ITFG2: variants seen among roughly 807,000 people sequenced by gnomAD.
The protein encoded by ITFG2 is integrin alpha FG-GAP repeat containing 2, also known as KICSTOR complex protein ITFG2.
In ITFG2, 36 loss-of-function variants were observed where a neutral mutation model predicts 54.4. That is an observed-to-expected ratio of 0.66 (90% CI 0.51 to 0.87). ITFG2 has a LOEUF of 0.87. Ranked by LOEUF, ITFG2 falls within the 40% of genes least tolerant of loss-of-function variation. ITFG2 has a pLI of 0.00. For synonymous variants in ITFG2, 211 were observed against 225.4 expected (o/e 0.94, Z 0.57); for missense variants, 524 against 576.7 (o/e 0.91, Z 0.94).
At chr12:2,816,304 T>G (rs1477090081) in intron 1 of ITFG2, among the ~76,000 whole-genome samples, 1 of 150,860 alleles carries the variant, frequency 6.6e-6, no homozygotes, top group Non-Finnish European at 1.5e-5. Context: ...GTGCTGGGAT[T>G]ATCGGCGTGA....
intron 3 of ITFG2, chr12:2,858,852 G>C (rs2098099402): frequency 6.2e-7 from 1 of 1,614,056 alleles, no homozygotes; most frequent in Non-Finnish European, 8.5e-7. Context: ...ATCTGAGGGA[G>C]AAGAGTTGCC....
Position 2,812,699 on chromosome 12 carries a change from C to A in ITFG2, c.-62C>A, listed in dbSNP as rs1013949128. The A allele has an allele frequency of 6.1e-6, 9 of 1,466,146 alleles. No individual in the cohort carries two copies. In the African/African-American group the frequency reaches 9.7e-5, roughly 16 times the overall value. The allele number at this position is 1,466,146 out of a possible 1,614,324, so 90.8% of individuals were successfully genotyped here. The stretch of plus-strand genomic sequence containing the variant: ...GGTGGCCTTCCGCTCTGGCGGCTGT[C>A]GCGACGGGGGTTCAGGGAATATTTA... On this transcript the variant is annotated 5_prime_UTR_variant, in exon 1 of 12. Coordinates refer to ENST00000228799, the MANE Select transcript of ITFG2 (RefSeq NM_018463.4).
intron 1 of ITFG2, among the ~76,000 whole-genome samples, chr12:2,837,779 T>G (rs1285760357): frequency 1.3e-5 from 2 of 152,190 alleles, no homozygotes; most frequent in African/African-American, 4.8e-5. Context: ...CAGTGAGCTA[T>G]GATGGCACCA....
intron 2 of ITFG2, among the ~76,000 whole-genome samples, chr12:2,850,726 G>A (rs948887403): frequency 2.0e-5 from 3 of 151,692 alleles, no homozygotes; most frequent in African/African-American, 7.3e-5. Context: ...AGGCCGGAGT[G>A]CAGTGGCACG....
chr12:2,820,585 T>C, intron 5 of ITFG2, 139 bp from the exon 6 acceptor site: 1 of 782,374 alleles, frequency 1.3e-6, no homozygotes, highest in Non-Finnish European at 2.0e-6. Context: ...GCTGCTACCC[T>C]TGAAGCCCAG....
chr12:2,813,397 T>C (rs181519775), intron 1 of ITFG2, among the ~76,000 whole-genome samples: 4,716 of 152,310 alleles, frequency 0.031, 107 homozygotes, highest in Non-Finnish European at 0.045. Context: ...GTTAGTATTT[T>C]ATTCTGTTTT....
At position 2,845,645 on chromosome 12, in the gene ITFG2, G is replaced by C. The variant is rs2098051556; in HGVS notation, n.300+4650G>C. On this transcript the variant is annotated intron_variant and non_coding_transcript_variant, in intron 2 of 3. Transcript: ENST00000537710. The surrounding 1 kb of genome is among the most constrained non-coding windows in gnomAD (Gnocchi z 4.2). ...GTGTTCTGGGGAGTGAAGTATGTGG[G>C]GGAAAGGGGTGTCCATACCTTCACC... Among the ~76,000 whole-genome samples, 1 of 152,128 alleles carries C rather than the reference G, an allele frequency of 6.6e-6. No individual in the cohort carries two copies. Among genetic ancestry groups the C allele is most frequent in the African/African-American group, 2.4e-5 (1 of 41,420 alleles).
At chr12:2,822,773 T>C (rs1428021597) in intron 9 of ITFG2, 21 bp from the exon 10 acceptor site, 1 of 1,601,026 alleles carries the variant, frequency 6.2e-7, no homozygotes. Context: ...TTATGTTCCT[T>C]TTGTCTCTGT....
At chr12:2,816,316 T>TCAC (rs1258388646) in intron 1 of ITFG2, among the ~76,000 whole-genome samples, 1 of 141,812 alleles carries the variant, frequency 7.1e-6, no homozygotes, top group Non-Finnish European at 1.5e-5. Context: ...TCGGCGTGAG[T>TCAC]CACCGCACAC....
chr12:2,831,818 A>C (rs2098004732), upstream of ITFG2, among the ~76,000 whole-genome samples: 2 of 151,808 alleles, frequency 1.3e-5, no homozygotes, highest in South Asian at 4.2e-4. Context: ...ACTGGACTCT[A>C]ATTCCTTGGC....
chr12:2,840,846 AAG>A (rs1050200120), exon 2 of ITFG2: 1 of 152,528 alleles, frequency 6.6e-6, no homozygotes, highest in African/African-American at 2.4e-5. Context: ...TTGTAGAAAA[AAG>A]AGAAAAAAGC....
intron 2 of ITFG2, among the ~76,000 whole-genome samples, chr12:2,856,361 C>G (rs1451004554): frequency 6.6e-6 from 1 of 152,108 alleles, no homozygotes; most frequent in Non-Finnish European, 1.5e-5. Flanking sequence ...CCTATCCATC[C>G]CCAGGGATGT....
At chr12:2,830,631 C>G in intron 2 of ITFG2, 1 of 1,469,292 alleles carries the variant, frequency 6.8e-7, no homozygotes, top group Non-Finnish European at 9.2e-7. Context: ...CCCATCAGGG[C>G]AGAGCAGAAA....
At position 2,822,832 on chromosome 12, in the gene ITFG2, T is replaced by C; in HGVS notation, c.987T>C (p.Asp329=). 1 of 1,614,204 alleles carries C rather than the reference T, an allele frequency of 6.2e-7. No individual in the cohort carries two copies. Reference sequence around the variant, plus strand: ...AGGAGGTAGTTGCATGCGCCTGGGATGGACAGACATATATCATTGATCACA... The same window carrying C: ...AGGAGGTAGTTGCATGCGCCTGGGACGGACAGACATATATCATTGATCACA... The part of the protein sequence containing the change: ...GHEEVVACAW[D]GQTYIIDHNR... Residue 329 remains aspartate (D), a synonymous_variant, in exon 10 of 12, where the codon GAT becomes GAC. Transcript: ENST00000228799.
At chr12:2,827,868 C>T, downstream of ITFG2, 2 of 1,611,774 alleles carry the variant, frequency 1.2e-6, no homozygotes, top group Non-Finnish European at 1.7e-6. The surrounding 1 kb of genome is among the most constrained non-coding windows in gnomAD (Gnocchi z 4.0). Context: ...AGCCTTTGCC[C>T]CACCCCAAAG....
upstream of ITFG2, chr12:2,834,621 A>G (rs2153926533): frequency 6.5e-7 from 1 of 1,549,856 alleles, no homozygotes; most frequent in Non-Finnish European, 8.7e-7. Context: ...GGACGCTGGC[A>G]GGGGAGGGGT....
In ITFG2 at chr12:2,856,795, C is replaced by A. The variant is rs147173476; in HGVS notation, n.301-1217C>A. On this transcript the variant is annotated intron_variant and non_coding_transcript_variant, in intron 2 of 3. Coordinates refer to the ITFG2 transcript ENST00000537710. The stretch of plus-strand genomic sequence containing the variant: ...CCAGGCATCTCCTCTCTGTTCTGAG[C>A]TCTGGGTTCCTAGTGTCATAGGATG... 3.9e-5 allele frequency among the ~76,000 whole-genome samples: 6 copies of A among 152,296 alleles called. No individual in the cohort carries two copies. The East Asian group carries it at 7.7e-4, about 20-fold the overall frequency.
intron 9 of ITFG2, 54 bp from the exon 10 acceptor site, chr12:2,822,740 C>A: frequency 6.8e-7 from 1 of 1,478,690 alleles, no homozygotes; most frequent in Non-Finnish European, 9.4e-7. Context: ...TGTTTGTCAT[C>A]CAGAATCCAG....
exon 4 of ITFG2, chr12:2,859,709 G>A (rs774241613): frequency 6.9e-7 from 1 of 1,439,276 alleles, no homozygotes; most frequent in South Asian, 1.3e-5. Context: ...CACCAGACAG[G>A]ACGCACAAAA....
Sources: allele counts gnomAD v4.1 joint callset (sites outside exome capture counted in the v4.1 genomes callset), GRCh38; gene constraint gnomAD v4.1.1; non-coding constraint Gnocchi (gnomAD v3.1); transcripts MANE v1.5; gene names NCBI Gene and HGNC (gene_info 2026-07-23, HGNC 2026-07-21).